Variants in YAP1 observed in about 807,000 individuals in gnomAD.
YAP1 encodes the protein Yes1 associated transcriptional regulator.
In YAP1, 5 loss-of-function variants were observed where a neutral mutation model predicts 56.9. The observed-to-expected ratio is 0.09, with a 90% CI of 0.05 to 0.18. YAP1 has a LOEUF of 0.18. YAP1 is among the 10% of genes least tolerant of loss of function. The probability of loss-of-function intolerance (pLI) is 1.00; values close to 1 mark genes in which losing one functional copy is unlikely to be tolerated. For synonymous variants in YAP1, 265 were observed against 248.1 expected, an observed-to-expected ratio of 1.07 and a Z score of -0.64; for missense variants, 539 against 651.8, an observed-to-expected ratio of 0.83 and a Z score of 1.88.
At chr11:102,122,245 C>T (rs927920802) in intron 2 of YAP1, among the ~76,000 whole-genome samples, 3 of 142,878 alleles carry the variant, frequency 2.1e-5, no homozygotes, top group Non-Finnish European at 3.1e-5. Flanking sequence ...CAGTGAAAAC[C>T]GATCTCTACT....
chr11:102,198,129 T>C (rs1288562010), intron 4 of YAP1, among the ~76,000 whole-genome samples: 3 of 152,240 alleles, frequency 2.0e-5, no homozygotes, highest in Non-Finnish European at 4.4e-5. Flanking sequence ...ACAATAGTCA[T>C]CAGAGTATTT....
chr11:102,122,895 CAAAAA>C (rs56934997), intron 2 of YAP1, among the ~76,000 whole-genome samples: 46 of 79,460 alleles, frequency 5.8e-4, no homozygotes, highest in African/African-American at 1.0e-3. Flanking sequence ...AGACTTCTCT[CAAAAA>C]AAAAAAAAAA....
At chr11:102,209,096 A>G (rs1165167586) in intron 5 of YAP1, among the ~76,000 whole-genome samples, 1 of 152,154 alleles carries the variant, frequency 6.6e-6, no homozygotes, top group African/African-American at 2.4e-5. Context: ...TCATACTAAT[A>G]GACTATTTTT....
chr11:102,149,876 A>G (rs901818486), intron 2 of YAP1, among the ~76,000 whole-genome samples: 9 of 151,748 alleles, frequency 5.9e-5, no homozygotes, highest in South Asian at 2.1e-4. Context: ...GCTCAGGAAC[A>G]TTCATTAACT....
chr11:102,169,498 A>G (rs1946785484), intron 3 of YAP1, among the ~76,000 whole-genome samples: 1 of 152,266 alleles, frequency 6.6e-6, no homozygotes, highest in East Asian at 1.9e-4. Flanking sequence ...ATGGGAAAAG[A>G]CTATACTAAC....
At position 102,231,623 on chromosome 11, in the gene YAP1, G is replaced by C. The variant is rs1261417265; in HGVS notation, c.*1683G>C. On this transcript the variant is annotated 3_prime_UTR_variant, in exon 9 of 9. Transcript: ENST00000282441. ...GGTTTCCAAAGAGTATTTTTTAAAG[G>C]AACAAAACGAGCATGAATTAACTCT... The C allele has an allele frequency of 6.6e-6, 1 of 152,570 alleles. No individual in the cohort carries two copies. Among genetic ancestry groups the C allele is most frequent in the Non-Finnish European group, 1.5e-5 (1 of 68,024 alleles). The allele number at this position is 152,570 out of a possible 1,614,324, so 9.5% of individuals were successfully genotyped here.
chr11:102,132,728 T>C (rs10895261), intron 2 of YAP1, among the ~76,000 whole-genome samples: 88,842 of 152,182 alleles, frequency 0.58, 26,737 homozygotes, highest in South Asian at 0.74. Flanking sequence ...TACCAATAAA[T>C]TTATTAGAAT....
intron 6 of YAP1, among the ~76,000 whole-genome samples, chr11:102,214,567 C>G (rs1300314764): frequency 3.3e-5 from 5 of 152,108 alleles, no homozygotes; most frequent in Admixed American, 1.3e-4. Flanking sequence ...TTAGCTGTTT[C>G]AAAATCCTGT....
At chr11:102,129,104 A>G (rs925167247) in intron 2 of YAP1, among the ~76,000 whole-genome samples, 2 of 152,232 alleles carry the variant, frequency 1.3e-5, no homozygotes, top group Non-Finnish European at 2.9e-5. Context: ...AGTATACTGC[A>G]TAAGTTAACC....
At position 102,227,591 on chromosome 11, in the gene YAP1, C is replaced by T. The variant is rs1950254325; in HGVS notation, c.1276+10C>T. Reference sequence around the variant, plus strand: ...GATGAGATGGATACAGGTTGGTATTCTTTATTCCTCTTAGTAACCTGACTT... The same window carrying T: ...GATGAGATGGATACAGGTTGGTATTTTTTATTCCTCTTAGTAACCTGACTT... On this transcript the variant is annotated intron_variant, in intron 8 of 8. Transcript: ENST00000282441. The T allele has an allele frequency of 6.4e-7, 1 of 1,567,786 alleles. No homozygotes were observed. Among genetic ancestry groups the T allele is most frequent in the African/African-American group, 1.4e-5 (1 of 73,958 alleles).
chr11:102,152,211 T>C (rs1394612940), intron 2 of YAP1, among the ~76,000 whole-genome samples: 1 of 152,232 alleles, frequency 6.6e-6, no homozygotes, highest in East Asian at 1.9e-4. Context: ...TTCAATCTGG[T>C]TCACATATAG....
chr11:102,139,294 G>T (rs990914845), intron 2 of YAP1, among the ~76,000 whole-genome samples: 26 of 151,862 alleles, frequency 1.7e-4, no homozygotes, highest in Non-Finnish European at 3.5e-4. Flanking sequence ...GGTCTATGAA[G>T]AGGCTTTGCG....
intron 2 of YAP1, among the ~76,000 whole-genome samples, chr11:102,154,743 G>C (rs1945845557): frequency 6.6e-6 from 1 of 151,964 alleles, no homozygotes; most frequent in African/African-American, 2.4e-5. Context: ...TTTAGCCAAG[G>C]GTTCCCTTAC....
intron 2 of YAP1, among the ~76,000 whole-genome samples, chr11:102,143,844 T>C (rs1945165319): frequency 6.6e-6 from 1 of 152,260 alleles, no homozygotes; most frequent in South Asian, 2.1e-4. Context: ...AGTAGCAAAT[T>C]CAAATTGACA....
chr11:102,226,109 C>T (rs1950181369), intron 7 of YAP1, among the ~76,000 whole-genome samples: 1 of 152,170 alleles, frequency 6.6e-6, no homozygotes, highest in Admixed American at 6.5e-5. Context: ...GCTTAGCAGC[C>T]GAATAGAGTG....
intron 6 of YAP1, among the ~76,000 whole-genome samples, chr11:102,215,029 G>A (rs1331250363): frequency 6.6e-6 from 1 of 152,120 alleles, no homozygotes; most frequent in African/African-American, 2.4e-5. Context: ...AGTTAAAACT[G>A]CTTTGGTAAA....
intron 6 of YAP1, among the ~76,000 whole-genome samples, chr11:102,218,617 T>G (rs1949772735): frequency 6.6e-6 from 1 of 152,222 alleles, no homozygotes. Flanking sequence ...TGTCTTTTTT[T>G]CATTGATTCT....
intron 2 of YAP1, 117 bp downstream of exon 2, chr11:102,114,511 T>C: frequency 1.6e-6 from 2 of 1,248,740 alleles, no homozygotes; most frequent in Non-Finnish European, 2.2e-6. Context: ...TTAATATTTA[T>C]GTTAAGCTCT....
chr11:102,203,348 A>G (rs555276562), intron 4 of YAP1, among the ~76,000 whole-genome samples: 4 of 152,380 alleles, frequency 2.6e-5, no homozygotes, highest in African/African-American at 4.8e-5. Context: ...AAAAATAACA[A>G]TAATTCCCTT....
Sources: gnomAD v4.1 joint callset for allele counts (sites outside exome capture counted in the v4.1 genomes callset) on GRCh38, gnomAD v4.1.1 for gene constraint, MANE v1.5 for transcripts, NCBI Gene and HGNC (gene_info 2026-07-23, HGNC 2026-07-21) for gene names.